CSMD1: variants seen among roughly 807,000 people sequenced by gnomAD.
CSMD1 encodes the protein CUB and sushi domain-containing protein 1.
Under a neutral mutation model 417.5 loss-of-function variants are expected in CSMD1, and 213 were observed. That is an observed-to-expected ratio of 0.51 (90% CI 0.46 to 0.57). The LOEUF is 0.57. Among genes scored for constraint, CSMD1 ranks in the 20% least tolerant of loss-of-function variants. CSMD1 has a pLI of 0.00. For missense variants in CSMD1, 6,923 were observed against 4,529.7 expected, an observed-to-expected ratio of 1.53 and a Z score of -15.17; for synonymous variants, 2,862 against 1,736.8, an observed-to-expected ratio of 1.65 and a Z score of -16.11.
chr8:4,788,196 G>C, intron 1 of CSMD1: 1 of 1,594,002 alleles, frequency 6.3e-7, no homozygotes, highest in Non-Finnish European at 8.6e-7. Context: ...CATTCCATGT[G>C]AACTTTGAGT....
intron 1 of CSMD1, among the ~76,000 whole-genome samples, chr8:4,939,045 C>G (rs370251431): frequency 6.6e-6 from 1 of 152,136 alleles, no homozygotes. Context: ...TACATTAACC[C>G]TGCATCAGAT....
intron 7 of CSMD1, among the ~76,000 whole-genome samples, chr8:3,687,206 G>A (rs1799985807): frequency 6.6e-6 from 1 of 152,198 alleles, no homozygotes; most frequent in South Asian, 2.1e-4. Context: ...CTTCCATCTT[G>A]GTTTGCCCAG....
At chr8:3,138,279 T>C (rs934463217) in intron 41 of CSMD1, among the ~76,000 whole-genome samples, 1 of 152,174 alleles carries the variant, frequency 6.6e-6, no homozygotes, top group Non-Finnish European at 1.5e-5. Context: ...GGCAGCTTCC[T>C]TCTGGTTCCA....
chr8:4,111,504 G>A (rs1482313597), intron 3 of CSMD1, among the ~76,000 whole-genome samples: 1 of 152,142 alleles, frequency 6.6e-6, no homozygotes, highest in Non-Finnish European at 1.5e-5. Flanking sequence ...CAATAGCAAA[G>A]ACATGGAATC....
At chr8:3,620,923 C>A (rs4875755) in intron 7 of CSMD1, among the ~76,000 whole-genome samples, 78,808 of 151,990 alleles carry the variant, frequency 0.52, 20,819 homozygotes, top group Middle Eastern at 0.62. Flanking sequence ...ACACCAGTAC[C>A]TCACAATTGA....
intron 18 of CSMD1, among the ~76,000 whole-genome samples, chr8:3,384,067 G>A (rs1810810387): frequency 1.3e-5 from 2 of 152,062 alleles, no homozygotes; most frequent in East Asian, 1.9e-4. Context: ...GCGAGGCTGT[G>A]AAAGCGAAGT....
chr8:3,574,828 T>G (rs1490888666), intron 10 of CSMD1, 117 bp downstream of exon 10: 1 of 1,243,978 alleles, frequency 8.0e-7, no homozygotes, highest in Non-Finnish European at 1.1e-6. Flanking sequence ...CTGGAACTTT[T>G]AAATTCAAAC....
chr8:3,853,557 G>A (rs1372212845), intron 5 of CSMD1, among the ~76,000 whole-genome samples: 1 of 152,096 alleles, frequency 6.6e-6, no homozygotes, highest in Non-Finnish European at 1.5e-5. Context: ...ATTTATGTAA[G>A]AAAGTGATTA....
rs1796247464 is a variant in CSMD1 at position 3,188,867 on chromosome 8, T to A, written c.5523+20A>T. 1 of 1,544,900 alleles carries A rather than the reference T, an allele frequency of 6.5e-7. No homozygotes were observed. The highest frequency in any genetic ancestry group is 1.2e-5 in the South Asian group (1 of 82,444). ...ACCCCAGCTGAGCCCTGTTGTAGAC[T>A]GTGGACTTCAAGGACTCACCTGAAT... On this transcript the variant is annotated intron_variant, in intron 35 of 69. Transcript: ENST00000635120.
chr8:4,975,774 T>G (rs1358198562), intron 1 of CSMD1, among the ~76,000 whole-genome samples: 2 of 152,168 alleles, frequency 1.3e-5, no homozygotes, highest in East Asian at 3.8e-4. Context: ...ATAACCACTA[T>G]GACCAGTTGT....
chr8:3,469,958 G>T (rs919986726), intron 11 of CSMD1, among the ~76,000 whole-genome samples: 12 of 152,290 alleles, frequency 7.9e-5, no homozygotes, highest in Middle Eastern at 3.4e-3. Context: ...TTTGAAGAGA[G>T]ATTTTTTTCT....
intron 10 of CSMD1, among the ~76,000 whole-genome samples, chr8:3,546,218 T>G (rs913406791): frequency 3.3e-5 from 5 of 152,252 alleles, no homozygotes; most frequent in Non-Finnish European, 7.3e-5. Flanking sequence ...TGTGTAAGGT[T>G]CTATGCAGAT....
chr8:4,726,322 A>C (rs1809441080), intron 1 of CSMD1, among the ~76,000 whole-genome samples: 1 of 152,176 alleles, frequency 6.6e-6, no homozygotes, highest in Non-Finnish European at 1.5e-5. Context: ...CTTTAAAAAA[A>C]AAAAAAGCTT....
intron 3 of CSMD1, among the ~76,000 whole-genome samples, chr8:4,297,502 G>T (rs546107685): frequency 6.6e-6 from 1 of 152,234 alleles, no homozygotes; most frequent in Admixed American, 6.6e-5. Flanking sequence ...GTTACATTCA[G>T]GCCATTTTTG....
chr8:4,095,636 A>G (rs1800968129), intron 3 of CSMD1, among the ~76,000 whole-genome samples: 1 of 152,230 alleles, frequency 6.6e-6, no homozygotes, highest in African/African-American at 2.4e-5. Flanking sequence ...GTGTTATAGA[A>G]GAGAAAACAT....
intron 1 of CSMD1, among the ~76,000 whole-genome samples, chr8:4,677,072 GATAT>G (rs567325572): frequency 1.4e-5 from 2 of 143,726 alleles, no homozygotes; most frequent in African/African-American, 5.1e-5. Flanking sequence ...ATAGAGATAT[GATAT>G]ATATAGGGAT....
chr8:4,260,817 A>G (rs1273653287), intron 3 of CSMD1, among the ~76,000 whole-genome samples: 1 of 152,180 alleles, frequency 6.6e-6, no homozygotes, highest in Non-Finnish European at 1.5e-5. Flanking sequence ...ATTATTATGT[A>G]TATTATGACA....
chr8:3,386,394 G>A (rs550358150), intron 18 of CSMD1, among the ~76,000 whole-genome samples: 2 of 152,072 alleles, frequency 1.3e-5, no homozygotes, highest in East Asian at 1.9e-4. Flanking sequence ...CAGCTGGTTC[G>A]CACACTTCCC....
At chr8:3,908,185 G>C (rs1344362706) in intron 5 of CSMD1, among the ~76,000 whole-genome samples, 1 of 152,070 alleles carries the variant, frequency 6.6e-6, no homozygotes, top group Non-Finnish European at 1.5e-5. Flanking sequence ...CCATGGGCCA[G>C]GCTAGATACT....
Sources: allele counts gnomAD v4.1 joint callset (sites outside exome capture counted in the v4.1 genomes callset), GRCh38; gene constraint gnomAD v4.1.1; transcripts MANE v1.5; gene names NCBI Gene and HGNC (gene_info 2026-07-23, HGNC 2026-07-21).